Variants in WDPCP observed in about 807,000 individuals in gnomAD.
WDPCP encodes WD repeat containing planar cell polarity effector, also known as WD repeat-containing and planar cell polarity effector protein fritz homolog.
A neutral mutation model predicts 93.1 loss-of-function variants in WDPCP; 71 were observed. The observed-to-expected ratio is 0.76, with a 90% CI of 0.63 to 0.93. The LOEUF (loss-of-function observed/expected upper bound fraction) is 0.93. Among genes scored for constraint, WDPCP ranks in the 40% least tolerant of loss-of-function variants. The pLI is 0.00. For missense variants in WDPCP, 844 were observed against 887.4 expected (o/e 0.95, Z 0.62); for synonymous variants, 315 against 315.0 (o/e 1.00, Z 0.00).
intron 14 of WDPCP, among the ~76,000 whole-genome samples, chr2:63,250,627 T>C (rs1233117743): frequency 1.3e-5 from 2 of 152,280 alleles, no homozygotes; most frequent in South Asian, 2.1e-4. Context: ...TCAAGTTCTG[T>C]GAATTTATAG....
intron 14 of WDPCP, among the ~76,000 whole-genome samples, chr2:63,245,320 T>C (rs1332685242): frequency 6.6e-6 from 1 of 152,196 alleles, no homozygotes; most frequent in Non-Finnish European, 1.5e-5. Flanking sequence ...TGTAAAGATA[T>C]TCATGAAATG....
At chr2:63,751,636 T>C in intron 2 of WDPCP, 1 of 482,276 alleles carries the variant, frequency 2.1e-6, no homozygotes, top group Non-Finnish European at 4.1e-6. Flanking sequence ...ATCTGTAGCT[T>C]CCATGTCCCT....
chr2:63,168,914 A>G (rs1673189103), intron 15 of WDPCP: 2 of 152,178 alleles, frequency 1.3e-5, no homozygotes, highest in Admixed American at 1.3e-4. Flanking sequence ...TTACCTTTGT[A>G]CTTGTGTCTT....
At chr2:63,554,585 G>A (rs994453007) in intron 1 of WDPCP, among the ~76,000 whole-genome samples, 96 of 152,118 alleles carry the variant, frequency 6.3e-4, no homozygotes, top group African/African-American at 2.2e-3. Flanking sequence ...CCCAGGAGGC[G>A]GAGGTTGCAG....
At chr2:63,501,688 C>T (rs1219315850) in intron 1 of WDPCP, among the ~76,000 whole-genome samples, 1 of 125,494 alleles carries the variant, frequency 8.0e-6, no homozygotes, top group Non-Finnish European at 1.8e-5. Context: ...GCGATCTCAG[C>T]TCACTGCAAC....
chr2:63,634,911 A>G (rs753644665), intron 3 of WDPCP, among the ~76,000 whole-genome samples: 9 of 152,210 alleles, frequency 5.9e-5, no homozygotes, highest in Non-Finnish European at 8.8e-5. Context: ...AGAGAGTAGA[A>G]AAGCAATAGA....
At chr2:63,324,280 A>G (rs1472380661) in intron 12 of WDPCP, among the ~76,000 whole-genome samples, 2 of 152,138 alleles carry the variant, frequency 1.3e-5, no homozygotes, top group African/African-American at 2.4e-5. Flanking sequence ...AGGACCTTTC[A>G]GCTTAGTCCC....
intron 3 of WDPCP, among the ~76,000 whole-genome samples, chr2:63,603,660 T>C (rs924046660): frequency 5.4e-5 from 8 of 147,154 alleles, no homozygotes; most frequent in Admixed American, 1.4e-4. Flanking sequence ...CATTTCTTTT[T>C]TTTTTTTTTT....
chr2:63,243,472 T>C (rs1448087978), intron 14 of WDPCP, among the ~76,000 whole-genome samples: 1 of 152,128 alleles, frequency 6.6e-6, no homozygotes, highest in African/African-American at 2.4e-5. Flanking sequence ...TTTTGTAGAT[T>C]GCCTGTTTAC....
intron 1 of WDPCP, among the ~76,000 whole-genome samples, chr2:63,571,947 G>C (rs1707538002): frequency 6.6e-6 from 1 of 152,108 alleles, no homozygotes; most frequent in Non-Finnish European, 1.5e-5. Flanking sequence ...ACATAATCAT[G>C]TACTTGGTTT....
intron 2 of WDPCP, among the ~76,000 whole-genome samples, chr2:63,750,803 C>T (rs898919707): frequency 6.6e-6 from 1 of 151,944 alleles, no homozygotes; most frequent in Non-Finnish European, 1.5e-5. Flanking sequence ...GGTGTTAAAC[C>T]AATCTTACAT....
At chr2:63,387,705 T>C (rs1226107151) in intron 10 of WDPCP, among the ~76,000 whole-genome samples, 4 of 143,650 alleles carry the variant, frequency 2.8e-5, no homozygotes, top group South Asian at 2.3e-4. Flanking sequence ...TTGTAGAAAA[T>C]ATGATTCTAT....
chr2:63,125,696 T>G (rs1574661096), intron 17 of WDPCP, among the ~76,000 whole-genome samples: 1 of 151,514 alleles, frequency 6.6e-6, no homozygotes, highest in South Asian at 2.1e-4. Context: ...CAACCTCCGC[T>G]TCCCGGGTTC....
chr2:63,788,108 T>C (rs1649805982), intron 2 of WDPCP, among the ~76,000 whole-genome samples: 1 of 152,148 alleles, frequency 6.6e-6, no homozygotes, highest in South Asian at 2.1e-4. Context: ...CTCTTTTTAT[T>C]TTAATCTTGT....
chr2:63,589,019 G>A (rs1414747597), upstream of WDPCP: 2 of 1,614,212 alleles, frequency 1.2e-6, no homozygotes, highest in Admixed American at 1.7e-5. Flanking sequence ...TGCAGTTGTT[G>A]AAATTGTCCC....
At chr2:63,533,120 T>C (rs1031586826) in intron 1 of WDPCP, among the ~76,000 whole-genome samples, 30 of 149,868 alleles carry the variant, frequency 2.0e-4, no homozygotes, top group African/African-American at 7.1e-4. Flanking sequence ...AGAAGGGCAT[T>C]ACATAATGGT....
At chr2:63,246,611 G>A (rs1680296181) in intron 14 of WDPCP, among the ~76,000 whole-genome samples, 1 of 152,172 alleles carries the variant, frequency 6.6e-6, no homozygotes, top group East Asian at 1.9e-4. Flanking sequence ...CACATGTGCT[G>A]TTGCCAACAC....
At chr2:63,645,284 T>C (rs1368128281) in intron 3 of WDPCP, among the ~76,000 whole-genome samples, 2 of 152,350 alleles carry the variant, frequency 1.3e-5, no homozygotes, top group East Asian at 3.9e-4. Flanking sequence ...GAGCATATTA[T>C]TTAATTTCCA....
At chr2:63,686,791 G>T (rs1575747611) in intron 2 of WDPCP, among the ~76,000 whole-genome samples, 1 of 152,124 alleles carries the variant, frequency 6.6e-6, no homozygotes, top group Non-Finnish European at 1.5e-5. Context: ...ACTCATTTTT[G>T]ACAAAGTTGC....
Sources: gnomAD v4.1 joint callset for allele counts (sites outside exome capture counted in the v4.1 genomes callset) on GRCh38, gnomAD v4.1.1 for gene constraint, MANE v1.5 for transcripts, NCBI Gene and HGNC (gene_info 2026-07-23, HGNC 2026-07-21) for gene names.